CBL: variants seen among roughly 807,000 people sequenced by gnomAD.
CBL encodes the protein Cbl proto-oncogene.
CBL carries 45 observed loss-of-function variants against 96.9 expected under a neutral mutation model. That is an observed-to-expected ratio of 0.46 (90% CI 0.37 to 0.60). The LOEUF (loss-of-function observed/expected upper bound fraction) is 0.60. CBL is among the 20% of genes least tolerant of loss of function. CBL has a pLI of 0.00. For missense variants in CBL, 1,024 were observed against 1,143.5 expected, an observed-to-expected ratio of 0.90 and a Z score of 1.51; for synonymous variants, 420 against 426.8, an observed-to-expected ratio of 0.98 and a Z score of 0.20.
intron 2 of CBL, among the ~76,000 whole-genome samples, chr11:119,236,306 G>A (rs986851116): frequency 1.3e-5 from 2 of 151,636 alleles, no homozygotes; most frequent in Non-Finnish European, 2.9e-5. Context: ...TGGACGTTTC[G>A]TGTTAAGTGG....
intron 2 of CBL, among the ~76,000 whole-genome samples, chr11:119,241,151 TTTAG>T (rs758459859): frequency 2.6e-5 from 4 of 152,156 alleles, no homozygotes; most frequent in Non-Finnish European, 5.9e-5. Flanking sequence ...ATGATTTTAT[TTTAG>T]TTATTATTAG....
chr11:119,279,076 C>T (rs1031418577), intron 9 of CBL, among the ~76,000 whole-genome samples: 1 of 152,058 alleles, frequency 6.6e-6, no homozygotes, highest in African/African-American at 2.4e-5. Context: ...TTTTTTAGGA[C>T]TAAGACTTTA....
rs889098308 is a variant in CBL at position 119,302,895 on chromosome 11, A to G, written c.*3114A>G. On this transcript the variant is annotated 3_prime_UTR_variant, in exon 16 of 16. Transcript: ENST00000264033. ...TCTCCCCCCAGCCCCATTCTGCATAATCTACCATTCTTCTCCTCTCTTTCT... is the reference window on the plus strand; with the variant it reads ...TCTCCCCCCAGCCCCATTCTGCATAGTCTACCATTCTTCTCCTCTCTTTCT... 4.3e-6 allele frequency: 1 copy of G among 230,376 alleles called. No homozygotes were observed. Among genetic ancestry groups the G allele is most frequent in the African/African-American group, 2.2e-5 (1 of 45,164 alleles). 14.3% of individuals were successfully genotyped at this position (230,376 alleles called of 1,614,324 possible).
In CBL at chr11:119,278,183, CTG is replaced by C; in HGVS notation, c.1116_1117del (p.Cys372Ter). On this transcript the variant is annotated frameshift_variant, in exon 8 of 16. Transcript: ENST00000264033. LOFTEE classifies it high-confidence loss of function. ...AATCAAAGGAACAATATGAATTATACTGTGAGATGGGCTCCACATTCCAACTA... is the reference window on the plus strand; with the variant it reads ...AATCAAAGGAACAATATGAATTATACTGAGATGGGCTCCACATTCCAACTA... ...KVTQEQYELY[C>X]EMGSTFQLCK... The C allele has an allele frequency of 6.2e-7, 1 of 1,600,004 alleles. No individual in the cohort carries two copies. Among genetic ancestry groups the C allele is most frequent in the Non-Finnish European group, 8.6e-7 (1 of 1,167,294 alleles).
At chr11:119,290,722 C>T (rs1950020697) in intron 12 of CBL, among the ~76,000 whole-genome samples, 1 of 150,872 alleles carries the variant, frequency 6.6e-6, no homozygotes, top group African/African-American at 2.4e-5. Flanking sequence ...GTCACCCAGG[C>T]TGGAGTCCAG....
chr11:119,225,069 T>C (rs2135260314), intron 1 of CBL, among the ~76,000 whole-genome samples: 1 of 151,828 alleles, frequency 6.6e-6, no homozygotes, highest in South Asian at 2.1e-4. Flanking sequence ...TGTGTGTGTG[T>C]GTGTGCGCGC....
intron 2 of CBL, among the ~76,000 whole-genome samples, chr11:119,258,964 T>C (rs1249116528): frequency 1.3e-5 from 2 of 152,240 alleles, no homozygotes; most frequent in Non-Finnish European, 2.9e-5. Flanking sequence ...CAGCAGTGTT[T>C]TGTCATTCTC....
chr11:119,239,913 G>A (rs1565861710), intron 2 of CBL, among the ~76,000 whole-genome samples: 1 of 152,030 alleles, frequency 6.6e-6, no homozygotes, highest in Non-Finnish European at 1.5e-5. Context: ...TACATAGAAA[G>A]AATCTTGAAA....
intron 14 of CBL, among the ~76,000 whole-genome samples, chr11:119,297,910 G>T (rs1044840031): frequency 2.0e-5 from 3 of 152,128 alleles, no homozygotes; most frequent in Admixed American, 2.0e-4. Flanking sequence ...CTCTGGACCT[G>T]TAAGCTCCTT....
chr11:119,288,996 CAT>C (rs1445179222), intron 12 of CBL, among the ~76,000 whole-genome samples: 1 of 152,122 alleles, frequency 6.6e-6, no homozygotes, highest in East Asian at 1.9e-4. Flanking sequence ...ATGAGTTACT[CAT>C]ATGTTGCCTG....
Position 119,307,270 on chromosome 11 carries a change from A to C in CBL, c.*7489A>C, listed in dbSNP as rs923063113. The C allele has an allele frequency of 2.1e-5, 5 of 232,624 alleles. No individual in the cohort carries two copies. In the Admixed American group the frequency reaches 2.3e-4, roughly 10 times the overall value. The allele number at this position is 232,624 out of a possible 1,614,324, so 14.4% of individuals were successfully genotyped here. ...TCCTGCAAAAGACAGAATGTTTCAC[A>C]ATTCCCAGGTAAACTCTGGACCATT... On this transcript the variant is annotated 3_prime_UTR_variant, in exon 16 of 16. Transcript: ENST00000264033.
intron 2 of CBL, among the ~76,000 whole-genome samples, chr11:119,247,057 T>A (rs888123512): frequency 6.6e-6 from 1 of 152,216 alleles, no homozygotes; most frequent in Non-Finnish European, 1.5e-5. Flanking sequence ...AGCTTGAGTT[T>A]CATTATTGAC....
At chr11:119,245,391 C>T (rs1045434473) in intron 2 of CBL, among the ~76,000 whole-genome samples, 1 of 151,824 alleles carries the variant, frequency 6.6e-6, no homozygotes, top group Non-Finnish European at 1.5e-5. Context: ...GGTTTTTAAC[C>T]TTTAAACACT....
intron 9 of CBL, among the ~76,000 whole-genome samples, chr11:119,280,590 A>G (rs2135306462): frequency 6.6e-6 from 1 of 152,230 alleles, no homozygotes; most frequent in South Asian, 2.1e-4. Flanking sequence ...TGGTGAATGC[A>G]CATGGATTTT....
chr11:119,297,547 G>T, intron 14 of CBL, 66 bp downstream of exon 14: 1 of 1,213,750 alleles, frequency 8.2e-7, no homozygotes. Context: ...GTAATATTTG[G>T]CAATTGAGAT....
intron 14 of CBL, 111 bp downstream of exon 14, chr11:119,297,592 G>A: frequency 1.2e-6 from 1 of 802,474 alleles, no homozygotes; most frequent in Non-Finnish European, 2.1e-6. Context: ...TCTGTAGCTG[G>A]GACTACAGGT....
At chr11:119,292,196 AG>A (rs1950032294) in intron 12 of CBL, among the ~76,000 whole-genome samples, 2 of 152,024 alleles carry the variant, frequency 1.3e-5, no homozygotes, top group African/African-American at 4.8e-5. Flanking sequence ...AACCTCCGTA[AG>A]TTTGGTAAAG....
chr11:119,235,506 C>T (rs1185778332), intron 2 of CBL, among the ~76,000 whole-genome samples: 4 of 152,076 alleles, frequency 2.6e-5, no homozygotes, highest in African/African-American at 7.2e-5. Flanking sequence ...TCATTGTCTT[C>T]AGGTTGAATA....
chr11:119,215,429 ATT>A (rs34686872), intron 1 of CBL, among the ~76,000 whole-genome samples: 8 of 144,240 alleles, frequency 5.5e-5, no homozygotes, highest in Admixed American at 1.4e-4. Flanking sequence ...AACAGCCTAA[ATT>A]TTTTTTTTTT....
Sources: gnomAD v4.1 joint callset for allele counts (sites outside exome capture counted in the v4.1 genomes callset) on GRCh38, gnomAD v4.1.1 for gene constraint, MANE v1.5 for transcripts, NCBI Gene and HGNC (gene_info 2026-07-23, HGNC 2026-07-21) for gene names.